SGCD: variants seen among roughly 807,000 people sequenced by gnomAD.
SGCD encodes delta-sarcoglycan.
SGCD carries 18 observed loss-of-function variants against 36.6 expected under a neutral mutation model. The ratio of observed to expected loss-of-function variants is 0.49; its 90% CI spans 0.34 to 0.73. The LOEUF is 0.73. Among genes scored for constraint, SGCD ranks in the 30% least tolerant of loss-of-function variants. SGCD has a pLI of 0.01. For synonymous variants in SGCD, 133 were observed against 130.6 expected (o/e 1.02, Z -0.12); for missense variants, 387 against 346.7 (o/e 1.12, Z -0.92).
At chr5:156,296,883 G>T (rs1365080668) in intron 3 of SGCD, among the ~76,000 whole-genome samples, 1 of 151,660 alleles carries the variant, frequency 6.6e-6, no homozygotes, top group African/African-American at 2.4e-5. Context: ...TTCAATTTTT[G>T]CTTCATATGT....
chr5:156,312,043 C>A (rs2127691020), intron 3 of SGCD, among the ~76,000 whole-genome samples: 1 of 152,276 alleles, frequency 6.6e-6, no homozygotes, highest in East Asian at 1.9e-4. Context: ...GATCTTCTGA[C>A]CCCTATTCCA....
At chr5:156,036,028 T>C (rs1342339443) in intron 1 of SGCD, among the ~76,000 whole-genome samples, 7 of 152,206 alleles carry the variant, frequency 4.6e-5, no homozygotes, top group African/African-American at 1.7e-4. Flanking sequence ...TATTATCTCA[T>C]CTAAATCCTT....
intron 3 of SGCD, among the ~76,000 whole-genome samples, chr5:156,436,759 A>G (rs1213031729): frequency 6.6e-6 from 1 of 152,180 alleles, no homozygotes; most frequent in Non-Finnish European, 1.5e-5. Flanking sequence ...GGAAATGTCC[A>G]AACTCTCTGG....
the SGCD span, among the ~76,000 whole-genome samples, chr5:155,745,005 G>T: frequency 6.6e-6 from 1 of 152,216 alleles, no homozygotes; most frequent in Non-Finnish European, 1.5e-5. Flanking sequence ...AGATCCACCT[G>T]CAAAGGAACC....
intron 7 of SGCD, among the ~76,000 whole-genome samples, chr5:156,657,999 G>C (rs1581348633): frequency 8.1e-6 from 1 of 122,906 alleles, no homozygotes; most frequent in Admixed American, 8.6e-5. Context: ...ACAATGTAAA[G>C]GATTAAGTGC....
At chr5:156,234,775 G>A (rs1373591315) in intron 3 of SGCD, among the ~76,000 whole-genome samples, 4 of 152,130 alleles carry the variant, frequency 2.6e-5, no homozygotes, top group East Asian at 1.9e-4. Flanking sequence ...TTATTATGGT[G>A]TTTCTGGAAG....
At chr5:155,818,638 A>G in the SGCD span, among the ~76,000 whole-genome samples, 1 of 152,098 alleles carries the variant, frequency 6.6e-6, no homozygotes, top group Non-Finnish European at 1.5e-5. Flanking sequence ...CTCCCACCTG[A>G]GCCTCCTGAG....
At chr5:155,728,353 C>G in the SGCD span, among the ~76,000 whole-genome samples, 27 of 152,200 alleles carry the variant, frequency 1.8e-4, no homozygotes, top group African/African-American at 6.5e-4. Context: ...CGAGATCGCC[C>G]TCCATGCTGC....
Position 156,760,169 on chromosome 5 carries a change from G to A in SGCD, c.*779G>A, listed in dbSNP as rs1409784794. 1 of 152,192 alleles carries A rather than the reference G, an allele frequency of 6.6e-6. No individual in the cohort carries two copies. The highest frequency in any genetic ancestry group is 1.5e-5 in the Non-Finnish European group (1 of 68,052). 9.4% of individuals were successfully genotyped at this position (152,192 alleles called of 1,614,324 possible). A position where few individuals can be genotyped will look rare whatever the true frequency, so the allele number is the denominator to read the frequency against. On this transcript the variant is annotated 3_prime_UTR_variant, in exon 9 of 9. Coordinates refer to ENST00000337851, the MANE Select transcript of SGCD (RefSeq NM_000337.6). ...AAAATAAGATAACAGCTGTTCCTCA[G>A]TGAGCTGGAAGCTACTTAATGGCCT... is the stretch of plus-strand genomic sequence containing the variant.
At chr5:156,421,687 G>C (rs767874820) in intron 3 of SGCD, among the ~76,000 whole-genome samples, 6 of 152,070 alleles carry the variant, frequency 3.9e-5, no homozygotes, top group Non-Finnish European at 8.8e-5. Context: ...GAGCCCTTAA[G>C]TAAATGAGCG....
intron 3 of SGCD, among the ~76,000 whole-genome samples, chr5:156,439,023 T>C (rs1189193804): frequency 6.6e-6 from 1 of 152,170 alleles, no homozygotes; most frequent in Non-Finnish European, 1.5e-5. Context: ...GTACTTAAGC[T>C]CAGGCAAATA....
rs367695253 is a variant in SGCD at position 155,884,135 on chromosome 5, G to T, written c.-282+13711G>T. On this transcript the variant is annotated intron_variant, in intron 1 of 9. Transcript: ENST00000517913. ...ATTCTGTATACAACTTAACACCTCT[G>T]CTGTGACCCGGGTGACACCTAACGA... 2.1e-4 allele frequency among the ~76,000 whole-genome samples: 32 copies of T among 152,226 alleles called. No homozygotes were observed. The East Asian group carries it at 2.5e-3, about 12-fold the overall frequency.
chr5:156,316,248 A>G (rs1252768619), intron 3 of SGCD, among the ~76,000 whole-genome samples: 1 of 152,004 alleles, frequency 6.6e-6, no homozygotes, highest in Non-Finnish European at 1.5e-5. Flanking sequence ...AATAAATTTA[A>G]CCAAGAAAGT....
chr5:156,397,691 G>A (rs933340173), intron 3 of SGCD, among the ~76,000 whole-genome samples: 1 of 152,158 alleles, frequency 6.6e-6, no homozygotes, highest in Non-Finnish European at 1.5e-5. Context: ...AGAGTCTATG[G>A]AGAGACAAGT....
chr5:156,309,782 C>T (rs1202463078), intron 3 of SGCD, among the ~76,000 whole-genome samples: 1 of 151,746 alleles, frequency 6.6e-6, no homozygotes, highest in African/African-American at 2.4e-5. Flanking sequence ...CACCACGCCC[C>T]ACCCGATCTT....
intron 3 of SGCD, among the ~76,000 whole-genome samples, chr5:156,502,782 G>A (rs546732867): frequency 1.3e-5 from 2 of 152,280 alleles, no homozygotes; most frequent in Admixed American, 6.5e-5. Context: ...TCATATCAAG[G>A]TACTTTGATG....
At chr5:156,413,669 G>A (rs1772885376) in intron 3 of SGCD, among the ~76,000 whole-genome samples, 1 of 152,190 alleles carries the variant, frequency 6.6e-6, no homozygotes, top group South Asian at 2.1e-4. Flanking sequence ...TTTGGGTAGA[G>A]ACAGAGTCTC....
At chr5:156,222,755 A>G (rs1435494978) in intron 3 of SGCD, among the ~76,000 whole-genome samples, 1 of 152,116 alleles carries the variant, frequency 6.6e-6, no homozygotes, top group Non-Finnish European at 1.5e-5. Context: ...CTAAAATAAA[A>G]TATAATTCTT....
chr5:155,731,549 A>G, the SGCD span, among the ~76,000 whole-genome samples: 1 of 152,148 alleles, frequency 6.6e-6, no homozygotes, highest in Non-Finnish European at 1.5e-5. Context: ...CCCACTTGGA[A>G]CCCATTGGAG....
Sources: gnomAD v4.1 joint callset for allele counts (sites outside exome capture counted in the v4.1 genomes callset) on GRCh38, gnomAD v4.1.1 for gene constraint, MANE v1.5 for transcripts, NCBI Gene and HGNC (gene_info 2026-07-23, HGNC 2026-07-21) for gene names.